ADAMTS20: variants seen among roughly 807,000 people sequenced by gnomAD.
The protein encoded by ADAMTS20 is ADAM metallopeptidase with thrombospondin type 1 motif 20, also known as A disintegrin and metalloproteinase with thrombospondin motifs 20.
In ADAMTS20, 225 loss-of-function variants were observed where a neutral mutation model predicts 260.1. That is an observed-to-expected ratio of 0.87 (90% CI 0.78 to 0.97). ADAMTS20 has a LOEUF of 0.97. Ranked by LOEUF, ADAMTS20 falls within the 50% of genes least tolerant of loss-of-function variation. The probability of loss-of-function intolerance (pLI) is 0.00; values close to 1 mark genes in which losing one functional copy is unlikely to be tolerated. For missense variants in ADAMTS20, 2,400 were observed against 2,337.7 expected, an observed-to-expected ratio of 1.03 and a Z score of -0.55; for synonymous variants, 802 against 769.5, an observed-to-expected ratio of 1.04 and a Z score of -0.70.
chr12:43,465,978 T>C (rs1942145723), intron 9 of ADAMTS20, among the ~76,000 whole-genome samples: 1 of 152,084 alleles, frequency 6.6e-6, no homozygotes. Flanking sequence ...GTGTTACATT[T>C]ATACAAAAAG....
intron 3 of ADAMTS20, among the ~76,000 whole-genome samples, chr12:43,516,569 C>A (rs1371566127): frequency 6.6e-6 from 1 of 152,152 alleles, no homozygotes; most frequent in Non-Finnish European, 1.5e-5. Flanking sequence ...CTCTACAAAT[C>A]TATTTGTTTT....
At position 43,365,414 on chromosome 12, in the gene ADAMTS20, C is replaced by A. The variant is rs144971049; in HGVS notation, c.5538+3876G>T. 8.5e-4 allele frequency among the ~76,000 whole-genome samples: 129 copies of A among 151,990 alleles called. 1 individual carries two copies. Among genetic ancestry groups the A allele is most frequent in the African/African-American group, 3.0e-3 (124 of 41,498 alleles). ...TTATTTTAACTGATTTAAAAGCAAT[C>A]GTATAAACCAAGGTGTATATAAGTA... On this transcript the variant is annotated intron_variant, in intron 37 of 38. Transcript: ENST00000389420.
rs1161725709 is a variant in ADAMTS20 at position 43,438,995 on chromosome 12, G to C, written c.2593+627C>G. Among the ~76,000 whole-genome samples, 4 of 152,072 alleles carry C rather than the reference G, an allele frequency of 2.6e-5. No homozygotes were observed. The East Asian group carries it at 7.7e-4, about 29-fold the overall frequency. On this transcript the variant is annotated intron_variant, in intron 18 of 38. Coordinates refer to ENST00000389420, the MANE Select transcript of ADAMTS20 (RefSeq NM_025003.5). The stretch of plus-strand genomic sequence containing the variant: ...AATTGGGATCTTATTAATAATCTGA[G>C]CATATTCCCTCAATAAATATGTACT...
intron 37 of ADAMTS20, among the ~76,000 whole-genome samples, chr12:43,365,216 G>A (rs925535651): frequency 6.6e-6 from 1 of 151,910 alleles, no homozygotes; most frequent in Non-Finnish European, 1.5e-5. Flanking sequence ...AAACTGAGAG[G>A]ACTTCTTGCT....
At chr12:43,428,849 C>G in intron 24 of ADAMTS20, 50 bp from the exon 25 acceptor site, 1 of 1,474,422 alleles carries the variant, frequency 6.8e-7, no homozygotes, top group Non-Finnish European at 9.1e-7. Context: ...AGTACCTCAC[C>G]CATGTCCCTT....
rs112788922 is a variant in ADAMTS20, at chr12:43,455,116, T to G, written c.1615-1064A>C. ...TTTCTGTTTCTATGAATTTGACTAC[T>G]CCAGATAGTTCATACAATTGGAATC... On this transcript the variant is annotated intron_variant, in intron 11 of 38. Transcript: ENST00000389420. 5.5e-3 allele frequency among the ~76,000 whole-genome samples: 832 copies of G among 152,324 alleles called. 5 individuals carry two copies. Among genetic ancestry groups the G allele is most frequent in the Admixed American group, 9.6e-3 (147 of 15,296 alleles).
chr12:43,469,270 G>A (rs912702103), intron 7 of ADAMTS20, among the ~76,000 whole-genome samples: 11 of 152,126 alleles, frequency 7.2e-5, no homozygotes, highest in South Asian at 2.1e-4. Flanking sequence ...AATTACTGCC[G>A]TCACTGAATA....
intron 3 of ADAMTS20, among the ~76,000 whole-genome samples, chr12:43,508,814 C>A (rs1942882458): frequency 6.6e-6 from 1 of 152,012 alleles, no homozygotes; most frequent in Non-Finnish European, 1.5e-5. Context: ...TTATTGCTGA[C>A]TGTAGTCACC....
At chr12:43,405,208 C>T (rs920360216) in intron 28 of ADAMTS20, among the ~76,000 whole-genome samples, 28 of 54,382 alleles carry the variant, frequency 5.1e-4, no homozygotes, top group Admixed American at 3.2e-3. Context: ...AGCCTGGTAA[C>T]AAAATGAGAC....
Position 43,502,336 on chromosome 12 carries a change from A to G in ADAMTS20, c.683T>C (p.Met228Thr), listed in dbSNP as rs772138913. The stretch of plus-strand genomic sequence containing the variant: ...TGTGTGTCCTAAAACTCTTTCTTTC[A>G]TTACATTAAGATCTTCATTCATGTT... Reference protein sequence around the residue: ...YSNMNEDLNVMKERVLGHTSK... With the variant: ...YSNMNEDLNVTKERVLGHTSK... Residue 228 changes from methionine (M) to threonine (T), a missense_variant, in exon 4 of 39, where the codon ATG becomes ACG. Coordinates refer to ENST00000389420, the MANE Select transcript of ADAMTS20 (RefSeq NM_025003.5). 1 of 1,610,448 alleles carries G rather than the reference A, an allele frequency of 6.2e-7. No individual in the cohort carries two copies.
chr12:43,545,637 G>A (rs1185530251), intron 2 of ADAMTS20, among the ~76,000 whole-genome samples: 1 of 152,126 alleles, frequency 6.6e-6, no homozygotes. Context: ...AACTGAGTAT[G>A]GTAGGGATAT....
intron 2 of ADAMTS20, among the ~76,000 whole-genome samples, chr12:43,543,915 A>C (rs925879720): frequency 1.3e-4 from 20 of 152,224 alleles, no homozygotes; most frequent in African/African-American, 3.6e-4. Context: ...TATAGTTATA[A>C]ATTATATAGC....
intron 12 of ADAMTS20, 110 bp downstream of exon 12, chr12:43,453,797 A>T: frequency 8.0e-7 from 1 of 1,245,154 alleles, no homozygotes; most frequent in East Asian, 2.6e-5. Flanking sequence ...AATTTTCTGA[A>T]TCTCAGAAAC....
rs372204485 is a variant in ADAMTS20, at chr12:43,383,682, C to T, written c.4673G>A (p.Cys1558Tyr). 9.3e-6 allele frequency: 15 copies of T among 1,613,794 alleles called. No homozygotes were observed. The highest frequency in any genetic ancestry group is 1.3e-5 in the African/African-American group (1 of 74,912). The change falls in exon 31 of 39, where the codon TGC (cysteine) becomes TAC (tyrosine). Residue 1558 changes from cysteine (C) to tyrosine (Y), a missense_variant. By Grantham distance (194) the Cys-to-Tyr change is radical. Transcript: ENST00000389420. ...ERKDSHQRME[C>Y]TDNQIRQVNE... ...CACTTGTCTGATTTGGTTATCTGTG[C>T]ACTCCATTCGTTGATGTGAATCTTT...
chr12:43,430,547 C>A (rs552929306), intron 22 of ADAMTS20, 76 bp from the exon 23 acceptor site: 2 of 1,332,896 alleles, frequency 1.5e-6, no homozygotes, highest in Admixed American at 2.1e-5. Context: ...TTAATGAATA[C>A]CCTGTTAATA....
intron 3 of ADAMTS20, among the ~76,000 whole-genome samples, chr12:43,505,595 A>G (rs1942829997): frequency 2.6e-5 from 4 of 152,180 alleles, no homozygotes; most frequent in Non-Finnish European, 5.9e-5. Flanking sequence ...CTTCACACCC[A>G]TAAGAATGGC....
Position 43,395,774 on chromosome 12 carries a change from A to G in ADAMTS20, c.4452+3292T>C, listed in dbSNP as rs1440929341. 5.3e-5 allele frequency among the ~76,000 whole-genome samples: 8 copies of G among 151,354 alleles called. No individual in the cohort carries two copies. In the East Asian group the frequency reaches 7.7e-4, roughly 15 times the overall value. Reference sequence around the variant, plus strand: ...TGACCATACTTCTTAGGAAGGTCCAAAGAAAACACTTCATTCACCAAGGTA... The same window carrying G: ...TGACCATACTTCTTAGGAAGGTCCAGAGAAAACACTTCATTCACCAAGGTA... On this transcript the variant is annotated intron_variant, in intron 29 of 38. Coordinates refer to ENST00000389420, the MANE Select transcript of ADAMTS20 (RefSeq NM_025003.5).
intron 3 of ADAMTS20, among the ~76,000 whole-genome samples, chr12:43,507,585 A>G (rs1468465104): frequency 6.6e-6 from 1 of 152,236 alleles, no homozygotes; most frequent in Non-Finnish European, 1.5e-5. Flanking sequence ...AAGAAATTAT[A>G]TATCTCAATG....
At chr12:43,353,453 A>G (rs1939676018), downstream of ADAMTS20, among the ~76,000 whole-genome samples, 1 of 152,120 alleles carries the variant, frequency 6.6e-6, no homozygotes, top group South Asian at 2.1e-4. Context: ...GAATATTAAC[A>G]TTATAAAAAC....
Sources: gnomAD v4.1 joint callset for allele counts (sites outside exome capture counted in the v4.1 genomes callset) on GRCh38, gnomAD v4.1.1 for gene constraint, MANE v1.5 for transcripts, NCBI Gene and HGNC (gene_info 2026-07-23, HGNC 2026-07-21) for gene names.